The following HOMER2 variants were observed in gnomAD, a reference collection of about 807,000 sequenced individuals.
HOMER2 encodes homer scaffold protein 2.
A neutral mutation model predicts 47.0 loss-of-function variants in HOMER2; 27 were observed. The observed-to-expected ratio is 0.57, with a 90% CI of 0.42 to 0.79. The LOEUF (loss-of-function observed/expected upper bound fraction) is 0.79. HOMER2 is among the 30% of genes least tolerant of loss of function. The pLI, the probability that HOMER2 is intolerant of heterozygous loss-of-function variation, is 0.00. For missense variants in HOMER2, 443 were observed against 435.0 expected, an observed-to-expected ratio of 1.02 and a Z score of -0.16; for synonymous variants, 161 against 163.8, an observed-to-expected ratio of 0.98 and a Z score of 0.13.
At chr15:82,976,127 G>A (rs1171668436) in intron 1 of HOMER2, among the ~76,000 whole-genome samples, 2 of 152,056 alleles carry the variant, frequency 1.3e-5, no homozygotes, top group African/African-American at 2.4e-5. Context: ...GTGTGTGCAC[G>A]CACTCCGTGT....
At chr15:82,878,388 TG>T (rs1346357415) in intron 2 of HOMER2, among the ~76,000 whole-genome samples, 1 of 152,218 alleles carries the variant, frequency 6.6e-6, no homozygotes, top group East Asian at 1.9e-4. Context: ...TCAAGGGACC[TG>T]TTCAAGGTCA....
chr15:82,894,108 ATTG>A (rs755126532), intron 1 of HOMER2, among the ~76,000 whole-genome samples: 1 of 152,104 alleles, frequency 6.6e-6, no homozygotes, highest in Non-Finnish European at 1.5e-5. Context: ...TTGCCTCTAT[ATTG>A]TTGCTTTTTC....
intron 3 of HOMER2, among the ~76,000 whole-genome samples, chr15:82,870,589 C>T (rs921861511): frequency 2.0e-5 from 3 of 152,204 alleles, no homozygotes; most frequent in Admixed American, 1.3e-4. Context: ...TATTTAAGCA[C>T]GGTGATTAGG....
chr15:82,890,876 C>T (rs2052682773), intron 2 of HOMER2, among the ~76,000 whole-genome samples: 1 of 152,128 alleles, frequency 6.6e-6, no homozygotes, highest in African/African-American at 2.4e-5. Context: ...CAGGCAATTC[C>T]AGCGCAGAAG....
chr15:82,851,573 G>A (rs576375658), intron 7 of HOMER2, among the ~76,000 whole-genome samples: 1 of 152,310 alleles, frequency 6.6e-6, no homozygotes, highest in Admixed American at 6.5e-5. Flanking sequence ...ATAAATGACT[G>A]TAGGCCAGGC....
At chr15:82,882,788 C>T (rs562566249) in intron 2 of HOMER2, among the ~76,000 whole-genome samples, 25 of 151,998 alleles carry the variant, frequency 1.6e-4, no homozygotes, top group African/African-American at 6.0e-4. Flanking sequence ...CTCAAAGAGC[C>T]TGTGCTCTTT....
intron 1 of HOMER2, among the ~76,000 whole-genome samples, chr15:82,975,600 A>G (rs2030172285): frequency 6.6e-6 from 1 of 152,248 alleles, no homozygotes; most frequent in South Asian, 2.1e-4. Flanking sequence ...TAAGTGAAAT[A>G]AGCCAGGCAC....
Position 82,973,957 on chromosome 15 carries a change from T to C in HOMER2, n.82+11830A>G, listed in dbSNP as rs749507438. ...GGTGCACACCTGTAATCCCAGCTACTCGGGAGGCTGAGGCAGGAGAATCAC... is the reference window on the plus strand; with the variant it reads ...GGTGCACACCTGTAATCCCAGCTACCCGGGAGGCTGAGGCAGGAGAATCAC... On this transcript the variant is annotated intron_variant and non_coding_transcript_variant, in intron 1 of 1. Coordinates refer to the HOMER2 transcript ENST00000500334. Among the ~76,000 whole-genome samples, 8 of 152,228 alleles carry C rather than the reference T, an allele frequency of 5.3e-5. No homozygotes were observed. The East Asian group carries it at 5.8e-4, about 11-fold the overall frequency.
chr15:82,930,790 C>T (rs964761044), intron 1 of HOMER2, among the ~76,000 whole-genome samples: 7 of 152,124 alleles, frequency 4.6e-5, no homozygotes, highest in African/African-American at 1.7e-4. Flanking sequence ...CTTTGGGAGG[C>T]CGAGGAGGGT....
intron 1 of HOMER2, among the ~76,000 whole-genome samples, chr15:82,919,217 G>A (rs2053666312): frequency 6.6e-6 from 1 of 152,166 alleles, no homozygotes; most frequent in Non-Finnish European, 1.5e-5. Flanking sequence ...TCTTCTGTTG[G>A]CAAAAACAAG....
At chr15:82,839,586 A>G (rs1028532266) in exon 2 of HOMER2, 17 of 152,254 alleles carry the variant, frequency 1.1e-4, no homozygotes, top group Non-Finnish European at 2.5e-4. Flanking sequence ...TCACAAAGGT[A>G]TACAAGCCTT....
At chr15:82,850,861 G>A (rs538708524) in intron 8 of HOMER2, among the ~76,000 whole-genome samples, 34 of 152,144 alleles carry the variant, frequency 2.2e-4, no homozygotes, top group Non-Finnish European at 4.3e-4. Context: ...CCGCCCCCCC[G>A]CTCCTCACCC....
intron 1 of HOMER2, among the ~76,000 whole-genome samples, chr15:82,951,164 G>C (rs1361977827): frequency 1.3e-5 from 2 of 152,148 alleles, no homozygotes; most frequent in African/African-American, 4.8e-5. Context: ...GTGCCTCTGG[G>C]TAAAATCACC....
chr15:82,880,256 C>A (rs2052478531), intron 2 of HOMER2, among the ~76,000 whole-genome samples: 1 of 152,166 alleles, frequency 6.6e-6, no homozygotes, highest in Non-Finnish European at 1.5e-5. Context: ...GACTGTACAA[C>A]CTGAATAAAA....
intron 1 of HOMER2, among the ~76,000 whole-genome samples, chr15:82,974,619 G>A (rs1014875090): frequency 6.6e-6 from 1 of 152,126 alleles, no homozygotes; most frequent in Admixed American, 6.5e-5. Context: ...TATTGCACAG[G>A]GGCTCCCTGG....
intron 2 of HOMER2, among the ~76,000 whole-genome samples, chr15:82,889,874 T>C (rs1028948653): frequency 6.6e-6 from 1 of 152,088 alleles, no homozygotes; most frequent in African/African-American, 2.4e-5. Flanking sequence ...GTGGTCAGGT[T>C]CTCCAGACAG....
At position 82,897,975 on chromosome 15, in the gene HOMER2, C is replaced by T. The variant is rs149666153; in HGVS notation, c.6-5134G>A. On this transcript the variant is annotated intron_variant, in intron 1 of 8. Coordinates refer to ENST00000450735, the MANE Select transcript of HOMER2 (RefSeq NM_004839.4). Reference sequence around the variant, plus strand: ...ATGCTATGTATGTGACAGTTTATTACGTAGCAATAGAAGAGACACTGTCCT... The same window carrying T: ...ATGCTATGTATGTGACAGTTTATTATGTAGCAATAGAAGAGACACTGTCCT... 2.8e-3 allele frequency among the ~76,000 whole-genome samples: 422 copies of T among 152,324 alleles called. 1 individual carries two copies. The highest frequency in any genetic ancestry group is 9.7e-3 in the African/African-American group (403 of 41,574).
intron 1 of HOMER2, among the ~76,000 whole-genome samples, chr15:82,924,362 T>C (rs1451827082): frequency 1.2e-5 from 1 of 82,322 alleles, no homozygotes; most frequent in Non-Finnish European, 2.6e-5. Flanking sequence ...TGCTGGCCCT[T>C]TTTTTTTTTT....
chr15:82,984,034 TA>T (rs1173735395), intron 1 of HOMER2, among the ~76,000 whole-genome samples: 114 of 138,008 alleles, frequency 8.3e-4, no homozygotes, highest in African/African-American at 8.2e-4. Flanking sequence ...TTATTATTAT[TA>T]TTTTTTTTTT....
Sources: gnomAD v4.1 joint callset for allele counts (sites outside exome capture counted in the v4.1 genomes callset) on GRCh38, gnomAD v4.1.1 for gene constraint, MANE v1.5 for transcripts, NCBI Gene and HGNC (gene_info 2026-07-23, HGNC 2026-07-21) for gene names.